Variants in PRKN observed in about 807,000 individuals in gnomAD.
PRKN encodes parkin RBR E3 ubiquitin protein ligase, also known as E3 ubiquitin-protein ligase parkin.
A neutral mutation model predicts 59.5 loss-of-function variants in PRKN; 56 were observed. The observed-to-expected ratio is 0.94, with a 90% CI of 0.76 to 1.18. PRKN has a LOEUF of 1.18. Among genes scored for constraint, PRKN ranks in the 50% most tolerant of loss-of-function variants. The pLI is 0.00. For missense variants in PRKN, 657 were observed against 596.4 expected (o/e 1.10, Z -1.06); for synonymous variants, 250 against 222.1 (o/e 1.13, Z -1.12).
chr6:162,023,378 T>C (rs1358653673), intron 5 of PRKN, among the ~76,000 whole-genome samples: 2 of 152,068 alleles, frequency 1.3e-5, no homozygotes, highest in African/African-American at 4.8e-5. Context: ...GGCGAATGGG[T>C]GCAAAGTTTT....
At chr6:162,304,374 CTTTAT>C (rs955769208) in intron 2 of PRKN, among the ~76,000 whole-genome samples, 1 of 150,796 alleles carries the variant, frequency 6.6e-6, no homozygotes, top group African/African-American at 2.4e-5. Flanking sequence ...AAAATGTTAC[CTTTAT>C]TTTAACACTG....
intron 9 of PRKN, among the ~76,000 whole-genome samples, chr6:161,524,770 G>C (rs749379806): frequency 1.3e-5 from 2 of 152,066 alleles, no homozygotes; most frequent in Non-Finnish European, 2.9e-5. Context: ...AAGGAGTCTT[G>C]ATGATTAAAA....
chr6:161,410,960 G>A lies in PRKN; in HGVS notation c.1084-24083C>T, dbSNP rs904157027. Among the ~76,000 whole-genome samples, 7 of 152,222 alleles carry A rather than the reference G, an allele frequency of 4.6e-5. 1 individual carries two copies. Among genetic ancestry groups the A allele is most frequent in the African/African-American group, 9.6e-5 (4 of 41,532 alleles). On this transcript the variant is annotated intron_variant, in intron 9 of 11. Coordinates refer to ENST00000366898, the MANE Select transcript of PRKN (RefSeq NM_004562.3). The surrounding 1 kb of genome is among the most constrained non-coding windows in gnomAD (Gnocchi z 5.3). ...AAACAGGAAGTTTCATCCTGAAACC[G>A]GTTTCCTCAGGTGGAAGGAAGGCAG...
chr6:161,863,680 A>T (rs1021424093), intron 6 of PRKN, among the ~76,000 whole-genome samples: 1 of 151,986 alleles, frequency 6.6e-6, no homozygotes, highest in South Asian at 2.1e-4. Context: ...TCCCGCCTCT[A>T]CTCCAGGTGG....
intron 2 of PRKN, among the ~76,000 whole-genome samples, chr6:162,299,792 CA>C (rs1406059730): frequency 1.3e-5 from 2 of 152,090 alleles, no homozygotes; most frequent in African/African-American, 4.8e-5. Flanking sequence ...GCTTAGCACA[CA>C]GGTGTTCAAA....
At chr6:162,282,994 CT>C (rs753282460) in intron 2 of PRKN, among the ~76,000 whole-genome samples, 259 of 144,390 alleles carry the variant, frequency 1.8e-3, no homozygotes, top group Admixed American at 1.8e-3. Context: ...TTCTCTCTCT[CT>C]TTTTTTTTTT....
intron 6 of PRKN, among the ~76,000 whole-genome samples, chr6:161,958,749 G>A (rs892920519): frequency 4.6e-5 from 7 of 151,904 alleles, no homozygotes; most frequent in Admixed American, 1.3e-4. Context: ...GCGTGGTGGT[G>A]GGTATCTGTA....
chr6:162,354,534 A>T (rs1784762351), intron 2 of PRKN, among the ~76,000 whole-genome samples: 1 of 152,060 alleles, frequency 6.6e-6, no homozygotes, highest in Admixed American at 6.6e-5. Flanking sequence ...GGATCATATG[A>T]AGTATGCATA....
intron 4 of PRKN, among the ~76,000 whole-genome samples, chr6:162,166,070 A>AG (rs1782975093): frequency 6.7e-6 from 1 of 148,504 alleles, no homozygotes; most frequent in African/African-American, 2.5e-5. Context: ...AAAAAAAAAA[A>AG]AGAGAAATAA....
chr6:162,230,261 G>A (rs1302537437), intron 3 of PRKN, among the ~76,000 whole-genome samples: 5 of 152,222 alleles, frequency 3.3e-5, no homozygotes, highest in Non-Finnish European at 7.3e-5. Context: ...AACTGTAAGT[G>A]TGTCTATCTG....
At chr6:162,036,936 T>C (rs1428011329) in intron 5 of PRKN, among the ~76,000 whole-genome samples, 2 of 152,280 alleles carry the variant, frequency 1.3e-5, no homozygotes, top group South Asian at 4.2e-4. Context: ...TCCTAGTAAT[T>C]GGAGAAAGGC....
At chr6:162,677,226 C>T (rs1779588283) in intron 1 of PRKN, among the ~76,000 whole-genome samples, 1 of 151,784 alleles carries the variant, frequency 6.6e-6, no homozygotes, top group South Asian at 2.1e-4. Flanking sequence ...AGGTAAGCAG[C>T]ATCACCAAAA....
chr6:162,466,488 T>G (rs141572783), intron 1 of PRKN, among the ~76,000 whole-genome samples: 1 of 152,210 alleles, frequency 6.6e-6, no homozygotes, highest in East Asian at 1.9e-4. Flanking sequence ...AGCCTTGACC[T>G]CCCAGGCTCA....
intron 9 of PRKN, among the ~76,000 whole-genome samples, chr6:161,522,961 A>T (rs1562503004): frequency 1.3e-5 from 2 of 152,206 alleles, no homozygotes; most frequent in Non-Finnish European, 2.9e-5. Flanking sequence ...TGCATGTTCA[A>T]ACTTACTTAT....
chr6:162,630,431 G>T (rs549448950), intron 1 of PRKN, among the ~76,000 whole-genome samples: 4 of 152,198 alleles, frequency 2.6e-5, no homozygotes, highest in African/African-American at 9.6e-5. Flanking sequence ...TGAGCATTCT[G>T]CCTGATTACA....
intron 4 of PRKN, among the ~76,000 whole-genome samples, chr6:162,060,513 T>C (rs1778056543): frequency 6.6e-6 from 1 of 152,190 alleles, no homozygotes; most frequent in African/African-American, 2.4e-5. Flanking sequence ...ATCTGTAACA[T>C]GTGGGTTTTA....
chr6:162,359,787 G>C (rs1785057638), intron 2 of PRKN, among the ~76,000 whole-genome samples: 1 of 152,024 alleles, frequency 6.6e-6, no homozygotes, highest in South Asian at 2.1e-4. Context: ...AATGGAATTG[G>C]AAAATTCCTA....
At chr6:162,100,676 A>G (rs1779930339) in intron 4 of PRKN, among the ~76,000 whole-genome samples, 1 of 152,100 alleles carries the variant, frequency 6.6e-6, no homozygotes, top group South Asian at 2.1e-4. Context: ...TCCTGACCTC[A>G]GATGATCTGT....
At position 162,555,981 on chromosome 6, in the gene PRKN, C is replaced by CAAAAAAAAAAAAA. The variant is rs772336975; in HGVS notation, c.8-112521_8-112509dup. 1.9e-3 allele frequency among the ~76,000 whole-genome samples: 168 copies of CAAAAAAAAAAAAA among 90,184 alleles called. 3 individuals are homozygous for CAAAAAAAAAAAAA. The highest frequency in any genetic ancestry group is 5.9e-3 in the East Asian group (14 of 2,364). 59.2% of individuals were successfully genotyped at this position (90,184 alleles called of 152,430 possible). On this transcript the variant is annotated intron_variant, in intron 1 of 11. Transcript: ENST00000366898. ...GGGCAACAAGAGCGAAACTCCATCT[C>CAAAAAAAAAAAAA]AAAAAAAAAAAAAAAAAAGTGAGAA...
Sources: allele counts gnomAD v4.1 joint callset (sites outside exome capture counted in the v4.1 genomes callset), GRCh38; gene constraint gnomAD v4.1.1; non-coding constraint Gnocchi (gnomAD v3.1); transcripts MANE v1.5; gene names NCBI Gene and HGNC (gene_info 2026-07-23, HGNC 2026-07-21).